LRP2: variants seen among roughly 807,000 people sequenced by gnomAD.
LRP2 encodes low-density lipoprotein receptor-related protein 2.
Under a neutral mutation model 531.0 loss-of-function variants are expected in LRP2, and 172 were observed. That is an observed-to-expected ratio of 0.32 (90% confidence interval 0.29 to 0.37). The LOEUF (loss-of-function observed/expected upper bound fraction) is 0.37. LRP2 is among the 10% of genes least tolerant of loss of function. The probability of loss-of-function intolerance (pLI) is 1.00; values close to 1 mark genes in which losing one functional copy is unlikely to be tolerated. For synonymous variants in LRP2, 1,992 were observed against 2,027.6 expected (o/e 0.98, Z 0.47); for missense variants, 5,167 against 5,868.3 (o/e 0.88, Z 3.90).
Position 169,220,436 on chromosome 2 carries a change from C to T in LRP2, c.5648+18G>A. The T allele has an allele frequency of 1.9e-6, 3 of 1,564,158 alleles. No homozygotes were observed. Among genetic ancestry groups the T allele is most frequent in the Non-Finnish European group, 2.6e-6 (3 of 1,134,658 alleles). On this transcript the variant is annotated intron_variant, in intron 34 of 78. Transcript: ENST00000649046. ...AACAATGCTGCATGGAAGACACGTG[C>T]CATTTATGAATACTCACCCACGAGC...
At chr2:169,351,663 T>C (rs896781790) in intron 1 of LRP2, among the ~76,000 whole-genome samples, 1 of 152,072 alleles carries the variant, frequency 6.6e-6, no homozygotes, top group Non-Finnish European at 1.5e-5. Flanking sequence ...GGAGAAGATA[T>C]AAGGAAGCAA....
intron 38 of LRP2, among the ~76,000 whole-genome samples, chr2:169,208,062 A>G (rs986506608): frequency 6.6e-6 from 1 of 152,194 alleles, no homozygotes; most frequent in Non-Finnish European, 1.5e-5. Flanking sequence ...GCATTTGCTC[A>G]TTTCCAATCC....
intron 1 of LRP2, among the ~76,000 whole-genome samples, chr2:169,356,255 A>AT (rs1166644380): frequency 7.9e-5 from 12 of 152,208 alleles, no homozygotes; most frequent in African/African-American, 2.9e-4. Flanking sequence ...GTTTTGTGAC[A>AT]TTCACCAACA....
intron 33 of LRP2, among the ~76,000 whole-genome samples, chr2:169,223,431 C>T (rs1023781658): frequency 1.3e-5 from 2 of 152,240 alleles, no homozygotes; most frequent in Admixed American, 6.5e-5. Flanking sequence ...ATATTAATTG[C>T]CATTTGGAAT....
At chr2:169,313,831 C>T (rs546894456) in intron 3 of LRP2, among the ~76,000 whole-genome samples, 35 of 152,274 alleles carry the variant, frequency 2.3e-4, no homozygotes, top group Non-Finnish European at 7.4e-5. Context: ...GAACCTCCCT[C>T]CTCTCCCAAA....
Position 169,282,981 on chromosome 2 carries a change from A to G in LRP2, c.1063T>C (p.Trp355Arg). ...TCVEFDDCQI[W>R]GICDQKCESR... The stretch of plus-strand genomic sequence containing the variant: ...TCACACTTCTGGTCACAAATTCCCC[A>G]TATCTGGCAATCATCAAACTCTGCC... Residue 355 changes from tryptophan to arginine, a missense_variant, in exon 10 of 79, where the codon TGG becomes CGG. Physicochemically the swap from Trp to Arg is moderately radical, Grantham distance 101. Coordinates refer to ENST00000649046, the MANE Select transcript of LRP2 (RefSeq NM_004525.3). The G allele has an allele frequency of 1.2e-6, 2 of 1,614,126 alleles. No homozygotes were observed. The highest frequency in any genetic ancestry group is 1.7e-6 in the Non-Finnish European group (2 of 1,179,970).
chr2:169,194,795 A>G (rs1422552064), intron 46 of LRP2, among the ~76,000 whole-genome samples: 1 of 137,298 alleles, frequency 7.3e-6, no homozygotes, highest in Non-Finnish European at 1.5e-5. Context: ...ATCTCGGCTC[A>G]CTGCAACCTC....
intron 1 of LRP2, among the ~76,000 whole-genome samples, chr2:169,350,826 G>A (rs1470035583): frequency 3.3e-5 from 5 of 151,348 alleles, no homozygotes; most frequent in African/African-American, 1.2e-4. Context: ...GCCCTCTTTG[G>A]TTGTGCCTAT....
Position 169,275,173 on chromosome 2 carries a change from T to C in LRP2, c.1838A>G (p.Gln613Arg). ...HPFGVSLFEG[Q>R]VFFTDWTKMA... ...CTTTGTCCAATCTGTAAAGAACACC[T>C]GACCTTCAAATAAGCTTACTCCAAA... The change falls in exon 14 of 79, where the codon CAG becomes CGG. Residue 613 changes from glutamine to arginine, a missense_variant. Physicochemically the swap from Gln to Arg is conservative, Grantham distance 43. This residue lies in a region of LRP2 where 2,811 missense variants were observed against 3,058.0 expected (regional missense o/e 0.92). Coordinates refer to ENST00000649046, the MANE Select transcript of LRP2 (RefSeq NM_004525.3). 1.2e-6 allele frequency: 2 copies of C among 1,613,852 alleles called. No individual in the cohort carries two copies. The highest frequency in any genetic ancestry group is 1.7e-5 in the Admixed American group (1 of 59,920).
At chr2:169,272,410 A>T (rs1220654752) in intron 15 of LRP2, among the ~76,000 whole-genome samples, 6 of 152,164 alleles carry the variant, frequency 3.9e-5, no homozygotes, top group Admixed American at 3.9e-4. Flanking sequence ...CCCAATGCTC[A>T]GGAGTTTACT....
chr2:169,302,372 C>T (rs1290243286), intron 4 of LRP2, among the ~76,000 whole-genome samples: 3 of 152,252 alleles, frequency 2.0e-5, no homozygotes, highest in Middle Eastern at 3.4e-3. Context: ...AAAAAGTACT[C>T]TTGCCTTCCC....
chr2:169,299,130 AGAAAGAAAGAAAGAAAGAAAGAAAG>A, intron 4 of LRP2, among the ~76,000 whole-genome samples: 2 of 96,256 alleles, frequency 2.1e-5, no homozygotes, highest in African/African-American at 7.8e-5. Context: ...AAAGAAAGAA[AGAAAGAAAGAAAGAAAGAAAGAAAG>A]AAAAAAAGAA....
intron 69 of LRP2, 54 bp downstream of exon 69, chr2:169,146,685 T>A: frequency 1.4e-6 from 2 of 1,423,966 alleles, no homozygotes; most frequent in Non-Finnish European, 1.9e-6. Flanking sequence ...GGCAAAGACA[T>A]TAGAAATATG....
intron 17 of LRP2, among the ~76,000 whole-genome samples, chr2:169,258,483 G>A (rs759953038): frequency 2.6e-5 from 4 of 151,988 alleles, no homozygotes; most frequent in Non-Finnish European, 5.9e-5. Flanking sequence ...AAACACAGTA[G>A]CTGTTAAACA....
At chr2:169,150,223 T>G in intron 68 of LRP2, among the ~76,000 whole-genome samples, 1 of 152,344 alleles carries the variant, frequency 6.6e-6, no homozygotes, top group East Asian at 1.9e-4. Flanking sequence ...GCTAGACTGG[T>G]CCTGCCCAAG....
intron 19 of LRP2, among the ~76,000 whole-genome samples, chr2:169,251,715 A>C (rs62172653): frequency 0.012 from 851 of 71,676 alleles, 1 homozygote; most frequent in Middle Eastern, 0.015. Flanking sequence ...GGTTTTTTGA[A>C]AGGATCAACA....
intron 13 of LRP2, among the ~76,000 whole-genome samples, chr2:169,276,158 GCA>G (rs2105445094): frequency 6.6e-6 from 1 of 152,230 alleles, no homozygotes; most frequent in Admixed American, 6.5e-5. Flanking sequence ...GCAGGTTAGT[GCA>G]CACTTTGAAA....
Position 169,145,744 on chromosome 2 carries a change from T to TATC in LRP2, c.12988+2_12988+3insGAT. The TATC allele has an allele frequency of 6.2e-7, 1 of 1,614,068 alleles. No homozygotes were observed. The highest frequency in any genetic ancestry group is 1.7e-5 in the Admixed American group (1 of 60,014). On this transcript the variant is annotated splice_region_variant and intron_variant, in intron 70 of 78. Transcript: ENST00000649046. ...AGCATCTTATACCAAAGTTGGTGAT[T>TATC]ACCTGACTTATTGTATCTGAGTTGA...
chr2:169,262,910 G>A (rs1690627457), intron 16 of LRP2, among the ~76,000 whole-genome samples: 2 of 152,078 alleles, frequency 1.3e-5, no homozygotes, highest in South Asian at 4.2e-4. Flanking sequence ...ATAGACCAAT[G>A]GAACAGAACA....
Sources: allele counts gnomAD v4.1 joint callset (sites outside exome capture counted in the v4.1 genomes callset), GRCh38; gene constraint gnomAD v4.1.1; regional missense constraint gnomAD v4.1.1; transcripts MANE v1.5; gene names NCBI Gene and HGNC (gene_info 2026-07-23, HGNC 2026-07-21).